FHIT: variants seen among roughly 807,000 people sequenced by gnomAD.
FHIT encodes bis(5'-adenosyl)-triphosphatase.
A neutral mutation model predicts 17.9 loss-of-function variants in FHIT; 19 were observed. The ratio of observed to expected loss-of-function variants is 1.06; its 90% CI spans 0.74 to 1.56. The LOEUF is 1.56. FHIT is among the 40% of genes most tolerant of loss of function. The pLI, the probability that FHIT is intolerant of heterozygous loss-of-function variation, is 0.00. For synonymous variants in FHIT, 81 were observed against 69.7 expected, an observed-to-expected ratio of 1.16 and a Z score of -0.81; for missense variants, 248 against 189.2, an observed-to-expected ratio of 1.31 and a Z score of -1.82.
chr3:59,891,928 G>A (rs1703871863), intron 8 of FHIT, among the ~76,000 whole-genome samples: 2 of 152,164 alleles, frequency 1.3e-5, no homozygotes, highest in Admixed American at 6.5e-5. Context: ...TGAATTTAAA[G>A]AGACGTTAGA....
chr3:60,566,415 A>T (rs1232638811), intron 4 of FHIT, among the ~76,000 whole-genome samples: 1 of 152,200 alleles, frequency 6.6e-6, no homozygotes, highest in Admixed American at 6.5e-5. Flanking sequence ...ACAACGCTTC[A>T]TGCTAAAAAC....
chr3:59,950,300 T>G (rs902132886), intron 7 of FHIT, among the ~76,000 whole-genome samples: 1 of 152,170 alleles, frequency 6.6e-6, no homozygotes. Context: ...TTAAACAGGT[T>G]CTCCATGACC....
chr3:60,246,142 A>C (rs1299594071), intron 5 of FHIT, among the ~76,000 whole-genome samples: 1 of 152,138 alleles, frequency 6.6e-6, no homozygotes, highest in Non-Finnish European at 1.5e-5. Flanking sequence ...GAGGCATTGC[A>C]GTAATACAGG....
At chr3:60,659,981 C>G (rs188455337) in intron 4 of FHIT, among the ~76,000 whole-genome samples, 16 of 152,220 alleles carry the variant, frequency 1.1e-4, no homozygotes, top group African/African-American at 3.9e-4. Context: ...TGAGGATAAG[C>G]CTGAGATGTA....
At chr3:60,087,543 TGTTAAAA>T (rs1703547726) in intron 5 of FHIT, among the ~76,000 whole-genome samples, 1 of 152,198 alleles carries the variant, frequency 6.6e-6, no homozygotes, top group Non-Finnish European at 1.5e-5. Flanking sequence ...CAGCATAACC[TGTTAAAA>T]GTAGCCATGC....
At chr3:61,234,230 C>T (rs954181614) in intron 1 of FHIT, among the ~76,000 whole-genome samples, 2 of 152,144 alleles carry the variant, frequency 1.3e-5, no homozygotes, top group Non-Finnish European at 2.9e-5. Flanking sequence ...AAAGAAAAAC[C>T]AGGCAGCTAC....
intron 5 of FHIT, among the ~76,000 whole-genome samples, chr3:60,199,940 T>A (rs1421730542): frequency 2.0e-5 from 3 of 152,162 alleles, no homozygotes; most frequent in Non-Finnish European, 4.4e-5. Context: ...TTAACTGAGA[T>A]GACAGACACT....
chr3:60,710,169 T>C (rs1286058739), intron 4 of FHIT, among the ~76,000 whole-genome samples: 1 of 152,212 alleles, frequency 6.6e-6, no homozygotes, highest in African/African-American at 2.4e-5. Context: ...AAGTTGACTT[T>C]TTATTTTTTT....
chr3:60,513,214 T>G (rs1047387982), intron 5 of FHIT, among the ~76,000 whole-genome samples: 7 of 152,170 alleles, frequency 4.6e-5, no homozygotes, highest in African/African-American at 9.7e-5. Context: ...GATGTCAAAG[T>G]TAATGAATCT....
Position 61,213,279 on chromosome 3 carries a change from A to G in FHIT, c.-212-12614T>C, listed in dbSNP as rs148440798. On this transcript the variant is annotated intron_variant, in intron 1 of 9. Transcript: ENST00000492590. ...GAAACCCATCTCACATGCAGAGACA[A>G]ACATAGGCTCAAAATAAAGGGATGG... Among the ~76,000 whole-genome samples the G allele has an allele frequency of 7.0e-4, 106 of 152,272 alleles. 3 individuals carry two copies. The East Asian group carries it at 0.02, about 29-fold the overall frequency.
At chr3:60,486,935 C>G (rs2107490521) in intron 5 of FHIT, among the ~76,000 whole-genome samples, 1 of 152,250 alleles carries the variant, frequency 6.6e-6, no homozygotes, top group Non-Finnish European at 1.5e-5. Flanking sequence ...TTTTCAACAA[C>G]TTTGGGAGTG....
chr3:59,820,342 A>G (rs1292639520), intron 8 of FHIT, among the ~76,000 whole-genome samples: 1 of 152,224 alleles, frequency 6.6e-6, no homozygotes, highest in Non-Finnish European at 1.5e-5. Flanking sequence ...GTGGGCATGT[A>G]CAGTGAACAA....
chr3:59,766,172 G>C (rs1045331523), intron 8 of FHIT, among the ~76,000 whole-genome samples: 6 of 152,056 alleles, frequency 3.9e-5, no homozygotes, highest in African/African-American at 1.4e-4. Flanking sequence ...CTGGGCAATG[G>C]GTTTGCAGAT....
intron 4 of FHIT, among the ~76,000 whole-genome samples, chr3:60,667,214 C>T (rs371526785): frequency 6.6e-5 from 10 of 151,712 alleles, no homozygotes; most frequent in Admixed American, 2.0e-4. Context: ...TCTTTATCCT[C>T]TTCTGGGACT....
At chr3:60,025,363 G>C (rs1700702622) in intron 5 of FHIT, among the ~76,000 whole-genome samples, 1 of 152,128 alleles carries the variant, frequency 6.6e-6, no homozygotes. Flanking sequence ...ACTAAGATAA[G>C]AAATCTAGAT....
At chr3:60,413,556 T>C (rs1702141265) in intron 5 of FHIT, among the ~76,000 whole-genome samples, 3 of 152,170 alleles carry the variant, frequency 2.0e-5, no homozygotes, top group South Asian at 4.1e-4. Context: ...TTAGGTAAAT[T>C]GACCACTGTC....
rs1695785193 is a variant in FHIT, at chr3:60,995,256, CT to C, written c.-111+46790del. Among the ~76,000 whole-genome samples the C allele has an allele frequency of 5.9e-5, 9 of 152,174 alleles. No homozygotes were observed. The South Asian group carries it at 1.9e-3, about 32-fold the overall frequency. On this transcript the variant is annotated intron_variant, in intron 3 of 9. Coordinates refer to ENST00000492590, the MANE Select transcript of FHIT (RefSeq NM_002012.4). ...AATGGCGTGAACCCGGGAGGCGGAG[CT>C]TGCAGTGAGCCGAGATCGTGCCACT...
chr3:60,293,920 G>C (rs1708094102), intron 5 of FHIT, among the ~76,000 whole-genome samples: 1 of 152,128 alleles, frequency 6.6e-6, no homozygotes, highest in African/African-American at 2.4e-5. Context: ...AGTTTAGAAT[G>C]AGAACTGTGC....
chr3:60,823,362 G>C (rs1049671259), intron 3 of FHIT, among the ~76,000 whole-genome samples: 1 of 152,128 alleles, frequency 6.6e-6, no homozygotes, highest in Non-Finnish European at 1.5e-5. Context: ...CTTAGAATGT[G>C]ACCTTATTTG....
Sources: gnomAD v4.1 joint callset for allele counts (sites outside exome capture counted in the v4.1 genomes callset) on GRCh38, gnomAD v4.1.1 for gene constraint, MANE v1.5 for transcripts, NCBI Gene and HGNC (gene_info 2026-07-23, HGNC 2026-07-21) for gene names.